The following TTBK1 variants were observed in gnomAD, a reference collection of about 807,000 sequenced individuals.
TTBK1 encodes the protein tau-tubulin kinase 1.
In TTBK1, 34 loss-of-function variants were observed where a neutral mutation model predicts 108.5. That is an observed-to-expected ratio of 0.31 (90% CI 0.24 to 0.42). TTBK1 has a LOEUF of 0.42. TTBK1 is among the 10% of genes least tolerant of loss of function. The pLI is 1.00. For synonymous variants in TTBK1, 809 were observed against 795.1 expected, an observed-to-expected ratio of 1.02 and a Z score of -0.29; for missense variants, 1,539 against 1,826.0, an observed-to-expected ratio of 0.84 and a Z score of 2.86.
intron 13 of TTBK1, among the ~76,000 whole-genome samples, chr6:43,268,546 G>A (rs1347560372): frequency 7.9e-5 from 12 of 152,194 alleles, no homozygotes; most frequent in East Asian, 5.8e-4. Context: ...GGCAGTCCTT[G>A]CTGCTGCTGT....
intron 5 of TTBK1, 146 bp from the exon 6 acceptor site, chr6:43,254,401 C>T (rs1777328321): frequency 1.8e-6 from 1 of 557,318 alleles, no homozygotes; most frequent in African/African-American, 2.0e-5. Flanking sequence ...ACCTGATGCA[C>T]ACATGTGAAT....
At chr6:43,279,193 G>A (rs1462306411) in intron 13 of TTBK1, among the ~76,000 whole-genome samples, 5 of 152,178 alleles carry the variant, frequency 3.3e-5, no homozygotes, top group Non-Finnish European at 5.9e-5. Flanking sequence ...TTGGAGGCAG[G>A]AGAAAGGGTT....
chr6:43,247,378 G>A (rs1048144810), intron 2 of TTBK1, among the ~76,000 whole-genome samples: 1 of 152,220 alleles, frequency 6.6e-6, no homozygotes, highest in African/African-American at 2.4e-5. Context: ...CTCGGGAGCC[G>A]GGCCTGCCTC....
intron 13 of TTBK1, among the ~76,000 whole-genome samples, chr6:43,278,313 C>T (rs1277364285): frequency 1.3e-5 from 2 of 152,064 alleles, no homozygotes; most frequent in African/African-American, 4.8e-5. Flanking sequence ...GAGGCCTAGC[C>T]CTCTAGATGA....
At chr6:43,262,751 G>T in intron 12 of TTBK1, 38 bp from the exon 13 acceptor site, 1 of 1,489,456 alleles carries the variant, frequency 6.7e-7, no homozygotes, top group East Asian at 2.4e-5. Flanking sequence ...GGGTCCAGTG[G>T]GGCCAGGTAT....
chr6:43,267,792 C>G (rs969901576), intron 13 of TTBK1, among the ~76,000 whole-genome samples: 4 of 152,112 alleles, frequency 2.6e-5, no homozygotes, highest in East Asian at 1.9e-4. Flanking sequence ...TGTCTCTGAC[C>G]GATAGCACAG....
intron 13 of TTBK1, chr6:43,270,326 C>A: frequency 9.5e-7 from 1 of 1,048,796 alleles, no homozygotes. Flanking sequence ...CTGGTATGGG[C>A]TTTGTTCTGT....
At position 43,253,001 on chromosome 6, in the gene TTBK1, A is replaced by C; in HGVS notation, c.256+115A>C. ...GGAGATGTCGTGTGGTAGAGGGAAA[A>C]GGGGATGGAGCCAGGAGCTAAGGGG... On this transcript the variant is annotated intron_variant, in intron 3 of 14. Coordinates refer to ENST00000259750, the MANE Select transcript of TTBK1 (RefSeq NM_032538.3). This position sits in a 1 kb window ranked among gnomAD's most constrained non-coding sequence, Gnocchi z 5.8. The C allele has an allele frequency of 1.5e-6, 2 of 1,319,336 alleles. No homozygotes were observed. The highest frequency in any genetic ancestry group is 2.1e-6 in the Non-Finnish European group (2 of 949,144). 81.7% of individuals were successfully genotyped at this position (1,319,336 alleles called of 1,614,324 possible).
chr6:43,264,119 G>T (rs1777617722), intron 13 of TTBK1, among the ~76,000 whole-genome samples: 1 of 152,150 alleles, frequency 6.6e-6, no homozygotes, highest in African/African-American at 2.4e-5. Context: ...CGGTGGCTCA[G>T]GCCTGTAATC....
rs1554188047 is a variant in TTBK1, at chr6:43,283,011, AGAGGAGGAGGAAGAAGAG to A, written c.2286_2303del (p.Glu766_Glu771del). 2 of 1,595,706 alleles carry A rather than the reference AGAGGAGGAGGAAGAAGAG, an allele frequency of 1.3e-6. No homozygotes were observed. Among genetic ancestry groups the A allele is most frequent in the Non-Finnish European group, 1.7e-6 (2 of 1,169,446 alleles). On this transcript the variant is annotated inframe_deletion, in exon 14 of 15. Coordinates refer to ENST00000259750, the MANE Select transcript of TTBK1 (RefSeq NM_032538.3). The surrounding 1 kb of genome is among the most constrained non-coding windows in gnomAD (Gnocchi z 8.1). Reference sequence around the variant, plus strand: ...AGGAAGAAGAAGAGGAGGAAGAGGAAGAGGAGGAGGAAGAAGAGGAGGAGGAGGAAGAGGAGGAGGAGG... The same window carrying A: ...AGGAAGAAGAAGAGGAGGAAGAGGAAGAGGAGGAGGAAGAGGAGGAGGAGG...
At chr6:43,270,903 A>C in intron 13 of TTBK1, 1 of 985,494 alleles carries the variant, frequency 1.0e-6, no homozygotes, top group Non-Finnish European at 1.2e-6. Flanking sequence ...TGCCCTTCTC[A>C]GAAGGTGACT....
Position 43,285,204 on chromosome 6 carries a change from A to C in TTBK1, c.3794A>C (p.Gln1265Pro). The part of the protein sequence containing the change: ...SRRESPSPSH[Q>P]ARPGVPPPRG... Reference sequence around the variant, plus strand: ...AGAGAGAGCCCCTCCCCCTCGCACCAGGCCCGGCCCGGGGTCCCCCCGCCC... The same window carrying C: ...AGAGAGAGCCCCTCCCCCTCGCACCCGGCCCGGCCCGGGGTCCCCCCGCCC... The change falls in exon 15 of 15, where the codon CAG (glutamine) becomes CCG (proline). Residue 1265 changes from glutamine (Q) to proline (P), a missense_variant. Gln to Pro is a moderately conservative substitution (Grantham distance 76, BLOSUM62 -1). This residue lies in a region of TTBK1 where 1,055 missense variants were observed against 1,086.5 expected (regional missense o/e 0.97). Transcript: ENST00000259750. This position sits in a 1 kb window ranked among gnomAD's most constrained non-coding sequence, Gnocchi z 4.7. 1 of 1,328,860 alleles carries C rather than the reference A, an allele frequency of 7.5e-7. No individual in the cohort carries two copies. The highest frequency in any genetic ancestry group is 9.6e-7 in the Non-Finnish European group (1 of 1,044,312). 82.3% of individuals were successfully genotyped at this position (1,328,860 alleles called of 1,614,324 possible).
chr6:43,281,242 G>A (rs946351357), intron 13 of TTBK1, among the ~76,000 whole-genome samples: 1 of 152,098 alleles, frequency 6.6e-6, no homozygotes, highest in African/African-American at 2.4e-5. Flanking sequence ...CGGGCGTGGT[G>A]GCGGGCACCT....
At position 43,255,905 on chromosome 6, in the gene TTBK1, T is replaced by C. The variant is rs764229122; in HGVS notation, c.861+49T>C. On this transcript the variant is annotated intron_variant, in intron 9 of 14. Transcript: ENST00000259750. ...CGCTCCCTCGACACCACTCTGTGAG[T>C]GACTGTCCCCCAGCAGACCTCGCTC... The C allele has an allele frequency of 3.1e-6, 5 of 1,611,158 alleles. No homozygotes were observed. The African/African-American group carries it at 5.3e-5, about 17-fold the overall frequency.
rs1337300468 is a variant in TTBK1, at chr6:43,286,427, G to GC, written c.*1051_*1052insC. On this transcript the variant is annotated 3_prime_UTR_variant, in exon 15 of 15. Transcript: ENST00000259750. The surrounding 1 kb of genome is among the most constrained non-coding windows in gnomAD (Gnocchi z 4.6). ...GTTACCATCTTTGCACTGGCCCTTCGGAGATTCGGGGACTCAGTTCTGGTG... is the reference window on the plus strand; with the variant it reads ...GTTACCATCTTTGCACTGGCCCTTCGCGAGATTCGGGGACTCAGTTCTGGTG... 6.6e-6 allele frequency: 1 copy of GC among 152,568 alleles called. No individual in the cohort carries two copies. Among genetic ancestry groups the GC allele is most frequent in the Non-Finnish European group, 1.5e-5 (1 of 68,046 alleles). 9.5% of individuals were successfully genotyped at this position (152,568 alleles called of 1,614,324 possible). A position where few individuals can be genotyped will look rare whatever the true frequency, so the allele number is the denominator to read the frequency against.
intron 2 of TTBK1, among the ~76,000 whole-genome samples, chr6:43,252,375 C>T (rs2150684897): frequency 6.6e-6 from 1 of 152,142 alleles, no homozygotes; most frequent in East Asian, 1.9e-4. Flanking sequence ...CCTGTAATCC[C>T]AGCACTTTGG....
Position 43,287,059 on chromosome 6 carries a change from C to G in TTBK1, c.*1683C>G, listed in dbSNP as rs898280781. Reference sequence around the variant, plus strand: ...GGAGAGTCAGCAGCTTGGGCAGCCACTTCCAGGCCAGGGTGGTGGCTTCTC... The same window carrying G: ...GGAGAGTCAGCAGCTTGGGCAGCCAGTTCCAGGCCAGGGTGGTGGCTTCTC... On this transcript the variant is annotated 3_prime_UTR_variant, in exon 15 of 15. Transcript: ENST00000259750. The surrounding 1 kb of genome is among the most constrained non-coding windows in gnomAD (Gnocchi z 4.1). The G allele has an allele frequency of 6.5e-6, 1 of 152,718 alleles. No individual in the cohort carries two copies. Among genetic ancestry groups the G allele is most frequent in the African/African-American group, 2.4e-5 (1 of 41,458 alleles). 9.5% of individuals were successfully genotyped at this position (152,718 alleles called of 1,614,324 possible).
rs1778340973 is a variant in TTBK1, at chr6:43,285,261, A to G, written c.3851A>G (p.Asp1284Gly). The change falls in exon 15 of 15, where the codon GAT (aspartate) becomes GGT (glycine). Residue 1284 changes from aspartate (D) to glycine (G), a missense_variant. By Grantham distance (94) the Asp-to-Gly change is moderately conservative (BLOSUM62 -1). Around this residue, in one of 5 missense-constraint regions of TTBK1, gnomAD observed 1,055 missense variants for 1,086.5 expected, o/e 0.97. Coordinates refer to ENST00000259750, the MANE Select transcript of TTBK1 (RefSeq NM_032538.3). The surrounding 1 kb of genome is among the most constrained non-coding windows in gnomAD (Gnocchi z 4.7). ...RGVPPARAQP[D>G]GTPSPGGSKK... ...GTCCCGCCGGCCCGGGCCCAGCCTGATGGCACCCCCTCCCCCGGGGGCTCC... is the reference window on the plus strand; with the variant it reads ...GTCCCGCCGGCCCGGGCCCAGCCTGGTGGCACCCCCTCCCCCGGGGGCTCC... 2.3e-6 allele frequency: 3 copies of G among 1,292,862 alleles called. No homozygotes were observed. Among genetic ancestry groups the G allele is most frequent in the African/African-American group, 3.1e-5 (2 of 64,434 alleles). The allele number at this position is 1,292,862 out of a possible 1,614,324, so 80.1% of individuals were successfully genotyped here.
rs1190224663 is a variant in TTBK1 at position 43,243,855 on chromosome 6, A to G, written c.-55+147A>G. The stretch of plus-strand genomic sequence containing the variant: ...CCGCTGGGCTGGGACGCTGGCCTAC[A>G]CCGCCTGGGCCGCGCCGAGGCCTGG... On this transcript the variant is annotated intron_variant, in intron 1 of 14. Transcript: ENST00000259750. This position sits in a 1 kb window ranked among gnomAD's most constrained non-coding sequence, Gnocchi z 5.5. 1.3e-5 allele frequency: 2 copies of G among 152,718 alleles called. No homozygotes were observed. Among genetic ancestry groups the G allele is most frequent in the Non-Finnish European group, 2.9e-5 (2 of 68,474 alleles). 9.5% of individuals were successfully genotyped at this position (152,718 alleles called of 1,614,324 possible).
Sources: allele counts gnomAD v4.1 joint callset (sites outside exome capture counted in the v4.1 genomes callset), GRCh38; gene constraint gnomAD v4.1.1; regional missense constraint gnomAD v4.1.1; non-coding constraint Gnocchi (gnomAD v3.1); transcripts MANE v1.5; gene names NCBI Gene and HGNC (gene_info 2026-07-23, HGNC 2026-07-21).